The following FRMD4A variants were observed in gnomAD, a reference collection of about 807,000 sequenced individuals.
FRMD4A encodes the protein FERM domain containing 4A.
A neutral mutation model predicts 129.1 loss-of-function variants in FRMD4A; 29 were observed. That is an observed-to-expected ratio of 0.22 (90% CI 0.17 to 0.31). FRMD4A has a LOEUF of 0.31. FRMD4A is among the 10% of genes least tolerant of loss of function. The pLI is 1.00. For synonymous variants in FRMD4A, 634 were observed against 571.6 expected, an observed-to-expected ratio of 1.11 and a Z score of -1.56; for missense variants, 1,272 against 1,375.8, an observed-to-expected ratio of 0.92 and a Z score of 1.19.
intron 2 of FRMD4A, among the ~76,000 whole-genome samples, chr10:14,303,820 T>G (rs1300861282): frequency 6.6e-6 from 1 of 152,184 alleles, no homozygotes; most frequent in African/African-American, 2.4e-5. Flanking sequence ...TGGTTTATTA[T>G]TATCATGGTT....
At chr10:13,686,787 C>T (rs2085126143) in intron 15 of FRMD4A, among the ~76,000 whole-genome samples, 1 of 152,186 alleles carries the variant, frequency 6.6e-6, no homozygotes, top group South Asian at 2.1e-4. Flanking sequence ...TCGTTTATGG[C>T]CCTAGACTTC....
chr10:13,656,095 C>T (rs1412455664), intron 22 of FRMD4A, among the ~76,000 whole-genome samples: 2 of 152,140 alleles, frequency 1.3e-5, no homozygotes, highest in East Asian at 3.9e-4. Context: ...ACATCATCAT[C>T]GAAATGGGAA....
chr10:14,162,641 GTT>G (rs71388160), intron 2 of FRMD4A, among the ~76,000 whole-genome samples: 4,030 of 118,134 alleles, frequency 0.034, 49 homozygotes, highest in African/African-American at 0.056. Context: ...TTTTTTTTTT[GTT>G]TTTTTTTTTT....
intron 3 of FRMD4A, among the ~76,000 whole-genome samples, chr10:13,819,146 CAA>C (rs1009520210): frequency 6.8e-5 from 8 of 117,586 alleles, no homozygotes; most frequent in South Asian, 5.3e-4. Context: ...CAAAACAAAA[CAA>C]AACAAAATCC....
intron 2 of FRMD4A, among the ~76,000 whole-genome samples, chr10:14,035,918 T>C (rs182282649): frequency 2.4e-4 from 37 of 152,130 alleles, no homozygotes; most frequent in Middle Eastern, 3.4e-3. Flanking sequence ...GGTTGGCGCC[T>C]GTAATCCCAG....
chr10:13,856,013 ACTATCTATCTATCTATCTATCTAT>A (rs67479789), intron 3 of FRMD4A, among the ~76,000 whole-genome samples: 24 of 147,950 alleles, frequency 1.6e-4, no homozygotes, highest in Admixed American at 1.3e-3. Flanking sequence ...ACACACAAAT[ACTATCTATCTATCTATCTATCTAT>A]CTATCTATCT....
intron 2 of FRMD4A, among the ~76,000 whole-genome samples, chr10:13,910,414 C>A (rs1343387954): frequency 6.6e-6 from 1 of 152,166 alleles, no homozygotes; most frequent in African/African-American, 2.4e-5. Flanking sequence ...CAACTGACCA[C>A]AGATGCATGA....
At chr10:13,823,248 C>CG (rs1364824117) in intron 3 of FRMD4A, among the ~76,000 whole-genome samples, 2 of 152,120 alleles carry the variant, frequency 1.3e-5, no homozygotes, top group African/African-American at 4.8e-5. Flanking sequence ...TCATGATCCC[C>CG]GGGGGACTCT....
Position 13,858,862 on chromosome 10 carries a change from C to A in FRMD4A, c.96G>T (p.Leu32=). 6.2e-7 allele frequency: 1 copy of A among 1,603,004 alleles called. No homozygotes were observed. Among genetic ancestry groups the A allele is most frequent in the East Asian group, 2.2e-5 (1 of 44,844 alleles). Residue 32 remains leucine, a synonymous_variant, in exon 3 of 25, where the codon CTG becomes CTT. Transcript: ENST00000357447. ...CQVHLLDDRK[L]ELLVQPKLLA... is the part of the protein sequence containing the mutation. Reference sequence around the variant, plus strand: ...AGCGATTTACCTGTACTAGGAGTTCCAGCTTCCTGTCATCAAGAAGATGTA... The same window carrying A: ...AGCGATTTACCTGTACTAGGAGTTCAAGCTTCCTGTCATCAAGAAGATGTA...
At chr10:13,833,746 C>T (rs1211300946) in intron 3 of FRMD4A, among the ~76,000 whole-genome samples, 1 of 152,068 alleles carries the variant, frequency 6.6e-6, no homozygotes, top group Non-Finnish European at 1.5e-5. Flanking sequence ...CTAATCTATA[C>T]AGAATTGCAG....
chr10:13,783,579 C>T (rs1355711538), intron 5 of FRMD4A, among the ~76,000 whole-genome samples: 1 of 150,784 alleles, frequency 6.6e-6, no homozygotes, highest in African/African-American at 2.4e-5. Flanking sequence ...ACGGAGTCTT[C>T]CTTTGTTGCT....
intron 2 of FRMD4A, among the ~76,000 whole-genome samples, chr10:14,247,890 C>T (rs944945297): frequency 1.3e-5 from 2 of 151,962 alleles, no homozygotes; most frequent in African/African-American, 4.8e-5. Context: ...CTCTGTTGGA[C>T]CTTCACACGA....
rs1350825974 is a variant in FRMD4A at position 13,701,377 on chromosome 10, C to T, written c.938G>A (p.Ser313Asn). The T allele has an allele frequency of 6.2e-7, 1 of 1,614,092 alleles. No individual in the cohort carries two copies. Residue 313 changes from serine to asparagine, a missense_variant, in exon 14 of 25, where the codon AGC becomes AAC. Ser to Asn is a conservative substitution (Grantham distance 46). Coordinates refer to ENST00000357447, the MANE Select transcript of FRMD4A (RefSeq NM_018027.5). ...LIKSIWAMAI[S>N]QHQFYLDRKQ... is the part of the protein sequence containing the mutation. ...TCTGTCCAGATAGAACTGGTGTTGGCTTATGGCCATAGCCCAGATGGACTT... is the reference window on the plus strand; with the variant it reads ...TCTGTCCAGATAGAACTGGTGTTGGTTTATGGCCATAGCCCAGATGGACTT...
At chr10:14,008,162 CTG>C (rs752913059) in intron 2 of FRMD4A, 18,232 of 628,218 alleles carry the variant, frequency 0.029, 133 homozygotes, top group East Asian at 0.077. Context: ...TGGTGTACAG[CTG>C]TGTGTGTGTG....
chr10:13,757,752 T>C (rs1020836548), intron 8 of FRMD4A, among the ~76,000 whole-genome samples: 2 of 152,194 alleles, frequency 1.3e-5, no homozygotes, highest in African/African-American at 2.4e-5. Context: ...CTTCGTCTTT[T>C]TTTTATTTGA....
chr10:13,690,838 G>A (rs1406548191), intron 15 of FRMD4A, among the ~76,000 whole-genome samples: 1 of 152,004 alleles, frequency 6.6e-6, no homozygotes, highest in African/African-American at 2.4e-5. Flanking sequence ...TTGGTATACC[G>A]ATGCTTATCT....
intron 2 of FRMD4A, among the ~76,000 whole-genome samples, chr10:14,086,676 C>A (rs1836298036): frequency 6.6e-6 from 1 of 152,160 alleles, no homozygotes; most frequent in Admixed American, 6.5e-5. Flanking sequence ...ATCTTGAAAA[C>A]CTTTTATGAC....
Position 14,249,873 on chromosome 10 carries a change from G to A in FRMD4A, c.45+80185C>T, listed in dbSNP as rs188685510. 1.6e-3 allele frequency among the ~76,000 whole-genome samples: 245 copies of A among 152,330 alleles called. 1 individual carries two copies. Among genetic ancestry groups the A allele is most frequent in the African/African-American group, 5.8e-3 (240 of 41,576 alleles). On this transcript the variant is annotated intron_variant, in intron 2 of 24. Transcript: ENST00000357447. ...TTTACTTTTTAATAAAAGTATATATGTGTCAAAAAATAGGAAAGAAACACA... is the reference window on the plus strand; with the variant it reads ...TTTACTTTTTAATAAAAGTATATATATGTCAAAAAATAGGAAAGAAACACA...
At chr10:13,956,314 G>A (rs562300458) in intron 2 of FRMD4A, among the ~76,000 whole-genome samples, 2 of 152,160 alleles carry the variant, frequency 1.3e-5, no homozygotes, top group Non-Finnish European at 2.9e-5. Context: ...CACCACACCC[G>A]GCTAATTTTG....
Sources: gnomAD v4.1 joint callset for allele counts (sites outside exome capture counted in the v4.1 genomes callset) on GRCh38, gnomAD v4.1.1 for gene constraint, MANE v1.5 for transcripts, NCBI Gene and HGNC (gene_info 2026-07-23, HGNC 2026-07-21) for gene names.